TBC1D1: variants seen among roughly 807,000 people sequenced by gnomAD.
The protein encoded by TBC1D1 is TBC1 (tre-2/USP6, BUB2, cdc16) domain family, member 1.
Under a neutral mutation model 125.6 loss-of-function variants are expected in TBC1D1, and 89 were observed. The observed-to-expected ratio is 0.71, with a 90% CI of 0.60 to 0.85. The LOEUF (loss-of-function observed/expected upper bound fraction) is 0.85. Among genes scored for constraint, TBC1D1 ranks in the 40% least tolerant of loss-of-function variants. TBC1D1 has a pLI of 0.00. For missense variants in TBC1D1, 1,377 were observed against 1,469.2 expected (o/e 0.94, Z 1.03); for synonymous variants, 565 against 564.1 (o/e 1.00, Z -0.02).
intron 2 of TBC1D1, among the ~76,000 whole-genome samples, chr4:37,988,832 G>A (rs1318590737): frequency 2.0e-5 from 3 of 152,214 alleles, no homozygotes; most frequent in South Asian, 4.1e-4. Flanking sequence ...CGTTCAGGTC[G>A]TGATGGGAAA....
intron 6 of TBC1D1, among the ~76,000 whole-genome samples, chr4:38,024,764 T>A (rs1303064014): frequency 6.6e-6 from 1 of 152,232 alleles, no homozygotes; most frequent in Non-Finnish European, 1.5e-5. Flanking sequence ...ACTCATTGTA[T>A]GTTGGTGTAA....
chr4:37,959,904 A>G (rs568251784), intron 2 of TBC1D1, among the ~76,000 whole-genome samples: 1 of 152,338 alleles, frequency 6.6e-6, no homozygotes, highest in East Asian at 1.9e-4. Flanking sequence ...CCAGTAGATC[A>G]GAGTTGGCAA....
At chr4:38,024,911 C>G (rs774714982) in intron 6 of TBC1D1, among the ~76,000 whole-genome samples, 1 of 152,132 alleles carries the variant, frequency 6.6e-6, no homozygotes, top group Non-Finnish European at 1.5e-5. Context: ...AAGTCATCCC[C>G]CAGAATCTAT....
At chr4:37,997,426 C>T (rs1027535356) in intron 2 of TBC1D1, among the ~76,000 whole-genome samples, 9 of 152,072 alleles carry the variant, frequency 5.9e-5, no homozygotes, top group African/African-American at 9.7e-5. Context: ...AACTGTATGC[C>T]GTTTCACTTG....
intron 1 of TBC1D1, among the ~76,000 whole-genome samples, chr4:37,896,811 G>T (rs1714736088): frequency 6.6e-6 from 1 of 151,606 alleles, no homozygotes; most frequent in Non-Finnish European, 1.5e-5. Context: ...CTTAAAAGGA[G>T]CTTGTTAGCT....
At chr4:38,022,544 CT>C (rs1319757680) in intron 6 of TBC1D1, among the ~76,000 whole-genome samples, 15 of 152,206 alleles carry the variant, frequency 9.9e-5, no homozygotes, top group East Asian at 9.6e-4. Context: ...TTGCAGCTAA[CT>C]TTGTCTTTTT....
At chr4:38,048,099 T>G (rs1479703897) in intron 10 of TBC1D1, among the ~76,000 whole-genome samples, 1 of 152,236 alleles carries the variant, frequency 6.6e-6, no homozygotes, top group Non-Finnish European at 1.5e-5. Context: ...TTGTATGTAT[T>G]GTATATGTTT....
rs1457349695 is a variant in TBC1D1, at chr4:38,115,855, T to G, written c.2703T>G (p.Leu901=). The change falls in exon 16 of 20, where the codon CTT becomes CTG. Residue 901 remains leucine (L), a synonymous_variant. Transcript: ENST00000261439. ...TCAGCTTTGTAGCAGGCATTTTGCT[T>G]CTTCATATGAGTGAGGAAGAGGCGT... 1.2e-6 allele frequency: 2 copies of G among 1,614,184 alleles called. No homozygotes were observed. The highest frequency in any genetic ancestry group is 1.7e-5 in the Admixed American group (1 of 60,028).
intron 11 of TBC1D1, among the ~76,000 whole-genome samples, chr4:38,052,728 G>GCACAGACA (rs1553926690): frequency 6.8e-5 from 8 of 118,276 alleles, no homozygotes; most frequent in Non-Finnish European, 1.2e-4. Flanking sequence ...GCGCGCGCGC[G>GCACAGACA]CACACACACA....
At chr4:38,042,805 A>G (rs959330714) in intron 8 of TBC1D1, among the ~76,000 whole-genome samples, 1 of 152,206 alleles carries the variant, frequency 6.6e-6, no homozygotes, top group African/African-American at 2.4e-5. Flanking sequence ...GTGGTGATAC[A>G]AAGGTATTTG....
intron 7 of TBC1D1, among the ~76,000 whole-genome samples, chr4:38,028,108 A>C (rs9995745): frequency 0.39 from 59,420 of 150,906 alleles, 12,082 homozygotes; most frequent in African/African-American, 0.51. Context: ...TGAGCTGCTA[A>C]AAAAACAAAC....
intron 12 of TBC1D1, among the ~76,000 whole-genome samples, chr4:38,087,845 C>CAAAAAAAAAAAAAAA (rs1215951890): frequency 2.9e-5 from 2 of 67,870 alleles, no homozygotes; most frequent in African/African-American, 5.2e-5. Context: ...GATTCCGTCT[C>CAAAAAAAAAAAAAAA]AAAAAAAAAA....
chr4:37,963,906 C>A (rs1254111150), intron 2 of TBC1D1, among the ~76,000 whole-genome samples: 1 of 152,146 alleles, frequency 6.6e-6, no homozygotes, highest in Non-Finnish European at 1.5e-5. Context: ...GCATTTGGTG[C>A]CTGCTTAAAA....
At chr4:38,039,308 G>A (rs1025897778) in intron 8 of TBC1D1, among the ~76,000 whole-genome samples, 2 of 151,296 alleles carry the variant, frequency 1.3e-5, no homozygotes, top group African/African-American at 2.4e-5. Flanking sequence ...TAGTAGAGAC[G>A]GGGTTTCACC....
At chr4:37,927,545 A>G (rs1722379581) in intron 2 of TBC1D1, among the ~76,000 whole-genome samples, 1 of 152,180 alleles carries the variant, frequency 6.6e-6, no homozygotes, top group Non-Finnish European at 1.5e-5. Flanking sequence ...TTGCTTTACC[A>G]TGGTGATGTT....
intron 17 of TBC1D1, among the ~76,000 whole-genome samples, chr4:38,120,794 C>T (rs143656344): frequency 1.4e-4 from 22 of 152,228 alleles, no homozygotes; most frequent in African/African-American, 2.6e-4. Context: ...CTGGGAGAGA[C>T]GCTTGCTCTG....
chr4:38,135,807 A>G (rs1255572827), intron 19 of TBC1D1, among the ~76,000 whole-genome samples: 1 of 152,148 alleles, frequency 6.6e-6, no homozygotes, highest in African/African-American at 2.4e-5. Flanking sequence ...GTGTTGTCAC[A>G]TTCAAAAAAG....
At chr4:38,052,721 C>CAT (rs1560698516) in intron 11 of TBC1D1, among the ~76,000 whole-genome samples, 5 of 75,252 alleles carry the variant, frequency 6.6e-5, no homozygotes, top group African/African-American at 2.4e-4. Context: ...CACGCGCGCG[C>CAT]GCGCGCGCAC....
intron 2 of TBC1D1, among the ~76,000 whole-genome samples, chr4:37,937,699 C>T (rs1724681955): frequency 6.6e-6 from 1 of 152,176 alleles, no homozygotes; most frequent in Non-Finnish European, 1.5e-5. Flanking sequence ...TTCCTAGCCA[C>T]TATAGGGTAT....
Sources: allele counts gnomAD v4.1 joint callset (sites outside exome capture counted in the v4.1 genomes callset), GRCh38; gene constraint gnomAD v4.1.1; transcripts MANE v1.5; gene names NCBI Gene and HGNC (gene_info 2026-07-23, HGNC 2026-07-21).